The following LONRF2 variants were observed in gnomAD, a reference collection of about 807,000 sequenced individuals.
LONRF2 encodes LON peptidase N-terminal domain and RING finger protein 2.
In LONRF2, 35 loss-of-function variants were observed where a neutral mutation model predicts 66.6. The ratio of observed to expected loss-of-function variants is 0.53; its 90% CI spans 0.40 to 0.70. LONRF2 has a LOEUF of 0.70. LONRF2 is among the 30% of genes least tolerant of loss of function. LONRF2 has a pLI of 0.00. For missense variants in LONRF2, 902 were observed against 1,002.1 expected (o/e 0.90, Z 1.35); for synonymous variants, 417 against 418.1 (o/e 1.00, Z 0.03).
rs1182189970 is a variant in LONRF2, at chr2:100,273,586, T to C, written c.*10712A>G. 6.6e-6 allele frequency: 1 copy of C among 152,190 alleles called. No homozygotes were observed. Among genetic ancestry groups the C allele is most frequent in the Non-Finnish European group, 1.5e-5 (1 of 68,040 alleles). The allele number at this position is 152,190 out of a possible 1,614,324, so 9.4% of individuals were successfully genotyped here. A position where few individuals can be genotyped will look rare whatever the true frequency, so the allele number is the denominator to read the frequency against. On this transcript the variant is annotated 3_prime_UTR_variant, in exon 12 of 12. Transcript: ENST00000393437. ...TTCGTCTCACTTAGGCAACAAGAAA[T>C]GCTGAGTAGTATTATTACATATTCA...
chr2:100,319,682 T>C (rs1386703435), intron 1 of LONRF2, among the ~76,000 whole-genome samples: 1 of 152,258 alleles, frequency 6.6e-6, no homozygotes, highest in Non-Finnish European at 1.5e-5. Flanking sequence ...GTAACTGTAG[T>C]TGATTTATTT....
chr2:100,301,499 T>C (rs920270), intron 3 of LONRF2, among the ~76,000 whole-genome samples: 83,381 of 152,130 alleles, frequency 0.55, 23,351 homozygotes, highest in East Asian at 0.77. Flanking sequence ...ATCCATGGCC[T>C]TGCAGCAATG....
At position 100,278,663 on chromosome 2, in the gene LONRF2, T is replaced by TA. The variant is rs1674648048; in HGVS notation, c.*5634dup. 6.6e-6 allele frequency: 1 copy of TA among 152,108 alleles called. No individual in the cohort carries two copies. The highest frequency in any genetic ancestry group is 1.5e-5 in the Non-Finnish European group (1 of 68,044). The allele number at this position is 152,108 out of a possible 1,614,324, so 9.4% of individuals were successfully genotyped here. A position where few individuals can be genotyped will look rare whatever the true frequency, so the allele number is the denominator to read the frequency against. ...ACATCAGCACGAGTGGGGGTCCGCT[T>TA]AGAAAGGAGACCCCACGTCTCACAT... On this transcript the variant is annotated 3_prime_UTR_variant, in exon 12 of 12. Transcript: ENST00000393437.
intron 7 of LONRF2, among the ~76,000 whole-genome samples, chr2:100,296,937 A>G (rs555446153): frequency 2.0e-5 from 3 of 152,260 alleles, no homozygotes; most frequent in Non-Finnish European, 2.9e-5. Flanking sequence ...AGACAAAACT[A>G]TAATTTTGGA....
intron 1 of LONRF2, 56 bp from the exon 2 acceptor site, chr2:100,309,281 A>ATGT: frequency 1.9e-6 from 2 of 1,060,896 alleles, no homozygotes; most frequent in South Asian, 1.4e-5. Context: ...AAAACAAGTA[A>ATGT]TCTTAATGTC....
intron 1 of LONRF2, 133 bp downstream of exon 1, chr2:100,321,282 G>T: frequency 1.3e-6 from 1 of 799,870 alleles, no homozygotes; most frequent in Non-Finnish European, 1.8e-6. Flanking sequence ...CCCATCCTTA[G>T]GAAGCAAAGT....
intron 10 of LONRF2, among the ~76,000 whole-genome samples, chr2:100,289,210 T>A (rs1022897743): frequency 1.3e-5 from 2 of 152,142 alleles, no homozygotes; most frequent in African/African-American, 4.8e-5. Flanking sequence ...CGGAAACCAG[T>A]CATGCTCATG....
At position 100,273,682 on chromosome 2, in the gene LONRF2, C is replaced by CCTAT. The variant is rs1340942596; in HGVS notation, c.*10612_*10615dup. 1 of 152,134 alleles carries CCTAT rather than the reference C, an allele frequency of 6.6e-6. No individual in the cohort carries two copies. Among genetic ancestry groups the CCTAT allele is most frequent in the African/African-American group, 2.4e-5 (1 of 41,418 alleles). The allele number at this position is 152,134 out of a possible 1,614,324, so 9.4% of individuals were successfully genotyped here. ...TATCACAGGATATGACAACACATCA[C>CCTAT]CTATCTCCAAACAAGAAAAAGCATG... On this transcript the variant is annotated 3_prime_UTR_variant, in exon 12 of 12. Transcript: ENST00000393437.
At chr2:100,300,000 G>A in intron 4 of LONRF2, 82 bp from the exon 5 acceptor site, 3 of 426,302 alleles carry the variant, frequency 7.0e-6, no homozygotes, top group South Asian at 2.3e-5. Flanking sequence ...GCCTGTACTA[G>A]AAATCTTTGG....
rs779861748 is a variant in LONRF2, at chr2:100,299,849, G to A, written c.1135C>T (p.His379Tyr). Residue 379 changes from histidine to tyrosine, a missense_variant, in exon 5 of 12, where the codon CAC becomes TAC. By Grantham distance (83) the His-to-Tyr change is moderately conservative (BLOSUM62 2). Around this residue, in one of 2 missense-constraint regions of LONRF2, gnomAD observed 585 missense variants for 569.9 expected, o/e 1.03. Coordinates refer to ENST00000393437, the MANE Select transcript of LONRF2 (RefSeq NM_198461.4). ...AACGCCTTTTTATCCTCTTCAAAGT[G>A]TAGACCCAGTATAAAATACAAAACT... is the stretch of plus-strand genomic sequence containing the variant. ...SSVLYFILGL[H>Y]FEEDKKALES... 12 of 1,612,466 alleles carry A rather than the reference G, an allele frequency of 7.4e-6. No individual in the cohort carries two copies. In the East Asian group the frequency reaches 2.7e-4, roughly 36 times the overall value.
rs975212903 is a variant in LONRF2 at position 100,283,408 on chromosome 2, G to A, written c.*890C>T. The A allele has an allele frequency of 6.6e-6, 1 of 152,020 alleles. No homozygotes were observed. Among genetic ancestry groups the A allele is most frequent in the African/African-American group, 2.4e-5 (1 of 41,366 alleles). The allele number at this position is 152,020 out of a possible 1,614,324, so 9.4% of individuals were successfully genotyped here. A position where few individuals can be genotyped will look rare whatever the true frequency, so the allele number is the denominator to read the frequency against. On this transcript the variant is annotated 3_prime_UTR_variant, in exon 12 of 12. Transcript: ENST00000393437. Reference sequence around the variant, plus strand: ...TAGTAAACTGAAATTTACTGATGGGGCTAATTTCTAATGCAAATCCCAATA... The same window carrying A: ...TAGTAAACTGAAATTTACTGATGGGACTAATTTCTAATGCAAATCCCAATA...
At chr2:100,299,183 G>A in intron 6 of LONRF2, 43 bp downstream of exon 6, 1 of 1,396,490 alleles carries the variant, frequency 7.2e-7, no homozygotes, top group Non-Finnish European at 9.8e-7. Context: ...TTTCAGAAAG[G>A]CTGCAGTTTT....
At chr2:100,312,482 C>T (rs1675428676) in intron 1 of LONRF2, among the ~76,000 whole-genome samples, 1 of 152,102 alleles carries the variant, frequency 6.6e-6, no homozygotes, top group South Asian at 2.1e-4. Flanking sequence ...TTTGTGTTAG[C>T]TTAATTAATC....
Position 100,277,634 on chromosome 2 carries a change from C to A in LONRF2, c.*6664G>T, listed in dbSNP as rs556551705. The A allele has an allele frequency of 1.3e-5, 2 of 152,150 alleles. No homozygotes were observed. The highest frequency in any genetic ancestry group is 4.8e-5 in the African/African-American group (2 of 41,420). The allele number at this position is 152,150 out of a possible 1,614,324, so 9.4% of individuals were successfully genotyped here. Reference sequence around the variant, plus strand: ...GCCAACCCTCATATAAATGATGGAGCCCAAGAGAATGTTGCTGCTTCCCAT... The same window carrying A: ...GCCAACCCTCATATAAATGATGGAGACCAAGAGAATGTTGCTGCTTCCCAT... On this transcript the variant is annotated 3_prime_UTR_variant, in exon 12 of 12. Transcript: ENST00000393437.
At chr2:100,292,145 A>T (rs1674975285) in intron 9 of LONRF2, among the ~76,000 whole-genome samples, 1 of 152,174 alleles carries the variant, frequency 6.6e-6, no homozygotes, top group Non-Finnish European at 1.5e-5. Flanking sequence ...TAACAGGATG[A>T]TCTCATTCAT....
chr2:100,276,000 T>C lies in LONRF2; in HGVS notation c.*8298A>G, dbSNP rs1674594362. ...ATATATAATAAATTGTACATGTATA[T>C]GTACATATGCAGCTAAACGGAAGGT... is the stretch of plus-strand genomic sequence containing the variant. On this transcript the variant is annotated 3_prime_UTR_variant, in exon 12 of 12. Transcript: ENST00000393437. The C allele has an allele frequency of 6.6e-6, 1 of 152,198 alleles. No individual in the cohort carries two copies. The highest frequency in any genetic ancestry group is 2.4e-5 in the African/African-American group (1 of 41,440). The allele number at this position is 152,198 out of a possible 1,614,324, so 9.4% of individuals were successfully genotyped here.
intron 1 of LONRF2, among the ~76,000 whole-genome samples, chr2:100,315,617 T>C (rs1440032767): frequency 1.3e-5 from 2 of 152,248 alleles, no homozygotes; most frequent in African/African-American, 4.8e-5. Flanking sequence ...AGATGCATCA[T>C]ATCATTTTTC....
intron 1 of LONRF2, among the ~76,000 whole-genome samples, chr2:100,315,047 T>C (rs1322140438): frequency 6.6e-6 from 1 of 152,216 alleles, no homozygotes. Context: ...AACTGACGTC[T>C]TGCCAATACT....
chr2:100,299,595 C>G, intron 5 of LONRF2, 122 bp downstream of exon 5: 1 of 749,514 alleles, frequency 1.3e-6, no homozygotes, highest in Non-Finnish European at 2.1e-6. Context: ...AATCTTAGAG[C>G]TGATATAATC....
Sources: allele counts gnomAD v4.1 joint callset (sites outside exome capture counted in the v4.1 genomes callset), GRCh38; gene constraint gnomAD v4.1.1; regional missense constraint gnomAD v4.1.1; transcripts MANE v1.5; gene names NCBI Gene and HGNC (gene_info 2026-07-23, HGNC 2026-07-21).